Variants in TARBP1 observed in about 807,000 individuals in gnomAD.
TARBP1 encodes tRNA (guanosine(18)-2'-O)-methyltransferase TARBP1.
A neutral mutation model predicts 178.6 loss-of-function variants in TARBP1; 144 were observed. The observed-to-expected ratio is 0.81, with a 90% confidence interval of 0.70 to 0.93. TARBP1 has a LOEUF of 0.93. Among genes scored for constraint, TARBP1 ranks in the 40% least tolerant of loss-of-function variants. TARBP1 has a pLI of 0.00. For synonymous variants in TARBP1, 787 were observed against 781.0 expected (o/e 1.01, Z -0.13); for missense variants, 2,067 against 2,011.7 (o/e 1.03, Z -0.53).
chr1:234,437,804 T>A (rs12096403), intron 12 of TARBP1, among the ~76,000 whole-genome samples: 14,429 of 152,242 alleles, frequency 0.095, 838 homozygotes, highest in East Asian at 0.23. Context: ...GGGCGCCAGC[T>A]TTCTGGTCAG....
rs576184554 is a variant in TARBP1 at position 234,429,282 on chromosome 1, T to C, written c.2914A>G (p.Met972Val). Reference sequence around the variant, plus strand: ...AAAGAAGATATAATTTTCCACGCCATGTCAAAAGACTCTATGCAGAGTGAT... The same window carrying C: ...AAAGAAGATATAATTTTCCACGCCACGTCAAAAGACTCTATGCAGAGTGAT... ...SESLCIESFD[M>V]AWKIISSLSN... The change falls in exon 17 of 30, where the codon ATG becomes GTG. Residue 972 changes from methionine to valine, a missense_variant. By Grantham distance (21) the Met-to-Val change is conservative. Coordinates refer to ENST00000040877, the MANE Select transcript of TARBP1 (RefSeq NM_005646.4). The C allele has an allele frequency of 6.2e-6, 10 of 1,600,116 alleles. No homozygotes were observed. The South Asian group carries it at 1.1e-4, about 18-fold the overall frequency.
intron 23 of TARBP1, 74 bp downstream of exon 23, chr1:234,410,371 C>T: frequency 1.1e-6 from 1 of 882,656 alleles, no homozygotes; most frequent in East Asian, 2.6e-5. Context: ...GAATGCTCTA[C>T]ATATAAAAAA....
chr1:234,428,121 G>A (rs562635694), intron 17 of TARBP1, among the ~76,000 whole-genome samples: 9 of 152,230 alleles, frequency 5.9e-5, no homozygotes, highest in South Asian at 4.2e-4. Context: ...AAAGACCAGC[G>A]TCTCTAACTA....
rs777775432 is a variant in TARBP1 at position 234,420,831 on chromosome 1, G to A, written c.3445-19C>T. 6.6e-6 allele frequency: 9 copies of A among 1,353,630 alleles called. No homozygotes were observed. The highest frequency in any genetic ancestry group is 7.3e-6 in the Non-Finnish European group (7 of 959,672). 83.9% of individuals were successfully genotyped at this position (1,353,630 alleles called of 1,614,324 possible). On this transcript the variant is annotated intron_variant, in intron 20 of 29. Coordinates refer to ENST00000040877, the MANE Select transcript of TARBP1 (RefSeq NM_005646.4). ...ATTCATCCTGGAAAGGAGAAGGGAG[G>A]GAGTCAACATTAAATTATCTATTGA... is the stretch of plus-strand genomic sequence containing the variant.
chr1:234,436,119 A>C (rs148808384), intron 13 of TARBP1, among the ~76,000 whole-genome samples: 249 of 151,918 alleles, frequency 1.6e-3, no homozygotes, highest in Non-Finnish European at 2.6e-3. Context: ...CTAAAAGATA[A>C]AGTAACATCA....
chr1:234,431,161 T>A (rs1285109464), intron 14 of TARBP1, among the ~76,000 whole-genome samples: 1 of 152,212 alleles, frequency 6.6e-6, no homozygotes, highest in Non-Finnish European at 1.5e-5. Flanking sequence ...AATGTCTGTA[T>A]CAGAAAGGAA....
chr1:234,400,987 C>T, intron 25 of TARBP1, 194 bp downstream of exon 25: 1 of 420,378 alleles, frequency 2.4e-6, no homozygotes, highest in East Asian at 4.0e-5. Context: ...CCAATTTTCA[C>T]TGCTTAAGAG....
chr1:234,412,106 T>C (rs1325427140), intron 22 of TARBP1, among the ~76,000 whole-genome samples: 1 of 152,148 alleles, frequency 6.6e-6, no homozygotes, highest in Admixed American at 6.5e-5. Context: ...ATCTAAATAC[T>C]TGGGGAGGTA....
chr1:234,459,380 A>C, intron 7 of TARBP1, 54 bp from the exon 8 acceptor site: 2 of 1,353,676 alleles, frequency 1.5e-6, no homozygotes, highest in Non-Finnish European at 2.1e-6. Flanking sequence ...CAATTCTGAT[A>C]ATTTGTGATT....
intron 20 of TARBP1, among the ~76,000 whole-genome samples, chr1:234,422,165 G>C (rs764458023): frequency 6.6e-6 from 1 of 152,048 alleles, no homozygotes; most frequent in African/African-American, 2.4e-5. Flanking sequence ...CTGCCCTTAG[G>C]ACCTCACCAA....
Position 234,391,658 on chromosome 1 carries a change from C to T in TARBP1, c.4785G>A (p.Leu1595=). 1 of 1,613,738 alleles carries T rather than the reference C, an allele frequency of 6.2e-7. No homozygotes were observed. The change falls in exon 30 of 30, where the codon CTG becomes CTA. Residue 1595 remains leucine, a synonymous_variant. Coordinates refer to ENST00000040877, the MANE Select transcript of TARBP1 (RefSeq NM_005646.4). ...GCAGGGCTCCACTCACATGGACATTCAGGGAGCGGATAATGCCCTGTTGAG... is the reference window on the plus strand; with the variant it reads ...GCAGGGCTCCACTCACATGGACATTTAGGGAGCGGATAATGCCCTGTTGAG... ...EIPQQGIIRS[L]NVHVSGALLI...
At chr1:234,404,376 A>G (rs2103050281) in intron 24 of TARBP1, among the ~76,000 whole-genome samples, 1 of 152,316 alleles carries the variant, frequency 6.6e-6, no homozygotes, top group South Asian at 2.1e-4. Flanking sequence ...AAATTACATA[A>G]TAAAATATGA....
intron 10 of TARBP1, among the ~76,000 whole-genome samples, chr1:234,449,924 T>G (rs1315354479): frequency 6.6e-6 from 1 of 152,224 alleles, no homozygotes; most frequent in Admixed American, 6.5e-5. Flanking sequence ...AAAGGATCTT[T>G]GTAAAATTGA....
At chr1:234,472,355 A>AAAG (rs1558261613) in intron 2 of TARBP1, among the ~76,000 whole-genome samples, 3 of 136,138 alleles carry the variant, frequency 2.2e-5, no homozygotes, top group South Asian at 4.8e-4. Flanking sequence ...AAAAAAAAAA[A>AAAG]AACTCAAAAG....
rs1666642022 is a variant in TARBP1 at position 234,450,543 on chromosome 1, A to G, written c.1746T>C (p.Asn582=). 1 of 1,610,318 alleles carries G rather than the reference A, an allele frequency of 6.2e-7. No homozygotes were observed. Among genetic ancestry groups the G allele is most frequent in the African/African-American group, 1.3e-5 (1 of 74,690 alleles). Residue 582 remains asparagine (N), a synonymous_variant, in exon 10 of 30, where the codon AAT becomes AAC. Transcript: ENST00000040877. ...TAGGGGATGGCTTAAAATAGCTTTCATTAACACGTAGCCAGTCACACAGCT... is the reference window on the plus strand; with the variant it reads ...TAGGGGATGGCTTAAAATAGCTTTCGTTAACACGTAGCCAGTCACACAGCT... ...WTELCDWLRV[N]ESYFKPSPTC...
intron 3 of TARBP1, among the ~76,000 whole-genome samples, chr1:234,470,285 A>G (rs1668909228): frequency 1.3e-5 from 2 of 152,186 alleles, no homozygotes; most frequent in Non-Finnish European, 2.9e-5. Flanking sequence ...ACAAAAAAAA[A>G]GAGCAATTAT....
At chr1:234,395,821 T>TA (rs376211986) in intron 26 of TARBP1, among the ~76,000 whole-genome samples, 1,799 of 152,256 alleles carry the variant, frequency 0.012, 34 homozygotes, top group African/African-American at 0.041. Flanking sequence ...GGTACAAAGT[T>TA]AGTCAGTCAG....
chr1:234,465,682 C>A lies in TARBP1; in HGVS notation c.1275G>T (p.Ala425=), dbSNP rs200406030. 6.4e-7 allele frequency: 1 copy of A among 1,569,526 alleles called. No homozygotes were observed. Among genetic ancestry groups the A allele is most frequent in the African/African-American group, 1.4e-5 (1 of 69,986 alleles). Residue 425 remains alanine (A), a synonymous_variant, in exon 5 of 30, where the codon GCG becomes GCT. Coordinates refer to ENST00000040877, the MANE Select transcript of TARBP1 (RefSeq NM_005646.4). ...TGCTATACAGAGAGCTCTCTGAAAGCGCATCCATTAATGGTCCAATAATAA... is the reference window on the plus strand; with the variant it reads ...TGCTATACAGAGAGCTCTCTGAAAGAGCATCCATTAATGGTCCAATAATAA... ...SEFIIGPLMD[A]LSESSLYSRS...
chr1:234,460,444 A>C, intron 6 of TARBP1, 48 bp from the exon 7 acceptor site: 1 of 1,598,152 alleles, frequency 6.3e-7, no homozygotes, highest in South Asian at 1.1e-5. Flanking sequence ...TAGCACATGA[A>C]AAGAAGCTCA....
Sources: gnomAD v4.1 joint callset for allele counts (sites outside exome capture counted in the v4.1 genomes callset) on GRCh38, gnomAD v4.1.1 for gene constraint, MANE v1.5 for transcripts, NCBI Gene and HGNC (gene_info 2026-07-23, HGNC 2026-07-21) for gene names.